Variants in FGF13 observed in about 807,000 individuals in gnomAD.
FGF13 encodes fibroblast growth factor homologous factor 2.
In FGF13, 2 loss-of-function variants were observed where a neutral mutation model predicts 19.5. The ratio of observed to expected loss-of-function variants is 0.10; its 90% CI spans 0.04 to 0.32. The LOEUF (loss-of-function observed/expected upper bound fraction) is 0.32. Ranked by LOEUF, FGF13 falls within the 10% of genes least tolerant of loss-of-function variation. The pLI is 1.00. For synonymous variants in FGF13, 72 were observed against 76.9 expected, an observed-to-expected ratio of 0.94 and a Z score of 0.33; for missense variants, 113 against 192.7, an observed-to-expected ratio of 0.59 and a Z score of 2.45.
At chrX:138,862,745 A>G (rs1013015769) in intron 2 of FGF13, among the ~76,000 whole-genome samples, 3 of 112,288 alleles carry the variant, frequency 2.7e-5, no homozygotes, top group Non-Finnish European at 5.6e-5. Flanking sequence ...ACTTAAGTAA[A>G]TAATTCACTG....
chrX:138,959,387 A>C, intron 1 of FGF13, among the ~76,000 whole-genome samples: 1 of 111,886 alleles, frequency 8.9e-6, no homozygotes, highest in East Asian at 2.8e-4. Flanking sequence ...TCTGAGAGAC[A>C]GTTTGTTATT....
intron 1 of FGF13, among the ~76,000 whole-genome samples, chrX:138,881,163 G>C (rs1170542177): frequency 9.0e-6 from 1 of 111,220 alleles, no homozygotes; most frequent in Non-Finnish European, 1.9e-5. Context: ...TTTATTCCTA[G>C]GTACGTTATT....
intron 1 of FGF13, among the ~76,000 whole-genome samples, chrX:138,992,453 T>C (rs2092020877): frequency 9.0e-6 from 1 of 111,536 alleles, no homozygotes; most frequent in African/African-American, 3.3e-5. Context: ...ATCACCCATA[T>C]TTTCTTCTAG....
At chrX:139,187,506 T>TA (rs1242792744) in intron 1 of FGF13, among the ~76,000 whole-genome samples, 1 of 112,002 alleles carries the variant, frequency 8.9e-6, no homozygotes, top group Non-Finnish European at 1.9e-5. Flanking sequence ...TTGTTACTAA[T>TA]AAAAAAATCA....
chrX:139,199,895 C>T (rs988218558), intron 1 of FGF13, among the ~76,000 whole-genome samples: 3 of 112,524 alleles, frequency 2.7e-5, no homozygotes, highest in African/African-American at 9.7e-5. Context: ...ACTTGCTCCC[C>T]CTTCTAGCTT....
At chrX:138,966,191 T>C (rs1347110652) in intron 1 of FGF13, among the ~76,000 whole-genome samples, 2 of 111,660 alleles carry the variant, frequency 1.8e-5, no homozygotes, top group Non-Finnish European at 3.8e-5. Flanking sequence ...CCCACAGAGT[T>C]CCCACTGGGG....
chrX:138,744,045 C>T (rs1187772768), upstream of FGF13, among the ~76,000 whole-genome samples: 2 of 111,449 alleles, frequency 1.8e-5, no homozygotes, highest in East Asian at 5.7e-4. Context: ...GCCCAAGTCA[C>T]TCATTTCCTA....
chrX:138,941,224 G>C (rs1388023871), intron 1 of FGF13, among the ~76,000 whole-genome samples: 2 of 111,583 alleles, frequency 1.8e-5, no homozygotes, highest in Non-Finnish European at 3.8e-5. Flanking sequence ...AATCAGGGAA[G>C]AGAAAGAAAT....
chrX:138,916,669 T>C (rs1195798274), intron 1 of FGF13, among the ~76,000 whole-genome samples: 2 of 112,470 alleles, frequency 1.8e-5, no homozygotes, highest in Admixed American at 1.9e-4. Context: ...CTGATCACAT[T>C]CTACATGCTA....
chrX:139,025,788 C>T (rs989733629), intron 1 of FGF13, among the ~76,000 whole-genome samples: 3 of 110,761 alleles, frequency 2.7e-5, no homozygotes, highest in Non-Finnish European at 5.7e-5. Flanking sequence ...TCCTACTCAT[C>T]CCTCATTCTG....
rs187131632 is a variant in FGF13, at chrX:138,946,387, C to T, written c.-112-81737G>A. 3.6e-5 allele frequency among the ~76,000 whole-genome samples: 4 copies of T among 111,628 alleles called. No homozygotes were observed. In the East Asian group the frequency reaches 1.1e-3, roughly 32 times the overall value. Reference sequence around the variant, plus strand: ...AACTAGTAAGCAATTATTAATGGTCCCAATTCGACATAATGTTTTTCCAGG... The same window carrying T: ...AACTAGTAAGCAATTATTAATGGTCTCAATTCGACATAATGTTTTTCCAGG... On this transcript the variant is annotated intron_variant, in intron 1 of 2. Transcript: ENST00000421460.
chrX:139,012,422 G>A (rs1003384345), intron 1 of FGF13, among the ~76,000 whole-genome samples: 3 of 111,614 alleles, frequency 2.7e-5, no homozygotes, highest in Non-Finnish European at 5.7e-5. Flanking sequence ...AAATCTGGAG[G>A]TATCAGATTA....
chrX:138,754,664 T>C (rs1031493251), intron 3 of FGF13, among the ~76,000 whole-genome samples: 1 of 111,451 alleles, frequency 9.0e-6, no homozygotes, highest in Non-Finnish European at 1.9e-5. Context: ...ACTTGCTAAA[T>C]GGTAAAAGTG....
chrX:139,017,517 A>T (rs1328566331), intron 1 of FGF13, among the ~76,000 whole-genome samples: 2 of 111,034 alleles, frequency 1.8e-5, no homozygotes, highest in Non-Finnish European at 3.8e-5. Context: ...ATTGGTTAAG[A>T]GACTGCTGTG....
chrX:138,779,351 A>G (rs938951080), intron 3 of FGF13, among the ~76,000 whole-genome samples: 4 of 112,182 alleles, frequency 3.6e-5, no homozygotes, highest in African/African-American at 1.3e-4. Context: ...AAGGCTTCAG[A>G]TGATCAAACT....
intron 1 of FGF13, among the ~76,000 whole-genome samples, chrX:138,716,983 T>C (rs1275010176): frequency 3.6e-5 from 4 of 112,426 alleles, no homozygotes; most frequent in Non-Finnish European, 7.5e-5. Context: ...TTAAAATCAA[T>C]TGAGAAAACA....
intron 1 of FGF13, among the ~76,000 whole-genome samples, chrX:139,030,123 G>A (rs532588083): frequency 1.8e-5 from 2 of 111,635 alleles, no homozygotes; most frequent in African/African-American, 6.5e-5. Flanking sequence ...AGCCTGGCAA[G>A]TAATTTGGGA....
chrX:139,131,421 G>A (rs2083760796), intron 1 of FGF13, among the ~76,000 whole-genome samples: 1 of 96,208 alleles, frequency 1.0e-5, no homozygotes, highest in Non-Finnish European at 2.1e-5. Flanking sequence ...GTGTGTGTGT[G>A]TGCAAAGGAT....
In FGF13 at chrX:138,660,365, T is replaced by C. The variant is rs938083264; in HGVS notation, c.403-24710A>G. ...TTTCCTTTTACCCAGCTGTATATTG[T>C]GTTAAAATAATTTACACTTTGTCTA... On this transcript the variant is annotated intron_variant, in intron 3 of 4. Transcript: ENST00000315930. Among the ~76,000 whole-genome samples, 5 of 112,113 alleles carry C rather than the reference T, an allele frequency of 4.5e-5. No homozygotes were observed. The Admixed American group carries it at 4.7e-4, about 11-fold the overall frequency.
Sources: allele counts gnomAD v4.1 joint callset (sites outside exome capture counted in the v4.1 genomes callset), GRCh38; gene constraint gnomAD v4.1.1; transcripts MANE v1.5; gene names NCBI Gene and HGNC (gene_info 2026-07-23, HGNC 2026-07-21).